The following SLC24A2 variants were observed in gnomAD, a reference collection of about 807,000 sequenced individuals.
The protein encoded by SLC24A2 is solute carrier family 24 member 2, also known as sodium/potassium/calcium exchanger 2.
A neutral mutation model predicts 62.0 loss-of-function variants in SLC24A2; 36 were observed. The observed-to-expected ratio is 0.58, with a 90% confidence interval of 0.44 to 0.77. SLC24A2 has a LOEUF of 0.77. Among genes scored for constraint, SLC24A2 ranks in the 30% least tolerant of loss-of-function variants. The pLI is 0.00. For missense variants in SLC24A2, 846 were observed against 817.9 expected (o/e 1.03, Z -0.42); for synonymous variants, 358 against 294.0 (o/e 1.22, Z -2.23).
the SLC24A2 span, among the ~76,000 whole-genome samples, chr9:19,936,772 G>A: frequency 6.6e-6 from 1 of 152,158 alleles, no homozygotes; most frequent in African/African-American, 2.4e-5. Context: ...TTCATATTAA[G>A]GTGTCTAGAG....
At chr9:20,078,911 T>C in the SLC24A2 span, among the ~76,000 whole-genome samples, 2 of 152,240 alleles carry the variant, frequency 1.3e-5, no homozygotes, top group Non-Finnish European at 2.9e-5. Flanking sequence ...TTATACTTCC[T>C]GGAATATTCA....
the SLC24A2 span, among the ~76,000 whole-genome samples, chr9:20,139,002 T>C: frequency 6.6e-6 from 1 of 152,124 alleles, no homozygotes; most frequent in Non-Finnish European, 1.5e-5. Context: ...CCCCCACTCC[T>C]CCCCGCCTCA....
the SLC24A2 span, among the ~76,000 whole-genome samples, chr9:20,213,953 C>T: frequency 2.2e-4 from 34 of 152,306 alleles, no homozygotes; most frequent in African/African-American, 7.2e-4. Context: ...TAAGCGGCAT[C>T]ATGCAGTATT....
At chr9:19,792,491 G>A (rs1243940939), upstream of SLC24A2, among the ~76,000 whole-genome samples, 2 of 130,620 alleles carry the variant, frequency 1.5e-5, no homozygotes, top group East Asian at 2.3e-4. Flanking sequence ...AGGAGTTTGA[G>A]ACCAACCTGG....
the SLC24A2 span, among the ~76,000 whole-genome samples, chr9:20,055,613 C>A: frequency 6.6e-6 from 1 of 151,892 alleles, no homozygotes; most frequent in African/African-American, 2.4e-5. Context: ...CCAGGCCAGG[C>A]GCGGTGGTTC....
rs1402972431 is a variant in SLC24A2 at position 19,786,228 on chromosome 9, T to C, written c.639A>G (p.Val213=). 1.2e-6 allele frequency: 2 copies of C among 1,614,134 alleles called. No individual in the cohort carries two copies. The highest frequency in any genetic ancestry group is 1.7e-5 in the Admixed American group (1 of 60,032). ...TGCCAATAACAAAGAGGATGTTGAA[T>C]ACTGCTGAACCTACAATTGTGCCTA... ...VGIGTIVGSA[V]FNILFVIGMC... is the part of the protein sequence containing the mutation. The change falls in exon 2 of 11, where the codon GTA becomes GTG. Residue 213 remains valine, a synonymous_variant. Coordinates refer to ENST00000341998, the MANE Select transcript of SLC24A2 (RefSeq NM_020344.4). This position sits in a 1 kb window ranked among gnomAD's most constrained non-coding sequence, Gnocchi z 5.0.
chr9:19,883,588 T>C, the SLC24A2 span, among the ~76,000 whole-genome samples: 2 of 148,326 alleles, frequency 1.3e-5, no homozygotes, highest in South Asian at 2.1e-4. Flanking sequence ...TTTTTTGAGA[T>C]GGAGTCTTGC....
the SLC24A2 span, among the ~76,000 whole-genome samples, chr9:20,081,117 C>G: frequency 1.2e-4 from 18 of 152,186 alleles, no homozygotes; most frequent in South Asian, 6.2e-4. Flanking sequence ...ACCCAGCCAT[C>G]CCATTACTGG....
At chr9:19,843,914 C>T in the SLC24A2 span, among the ~76,000 whole-genome samples, 1 of 152,256 alleles carries the variant, frequency 6.6e-6, no homozygotes, top group Non-Finnish European at 1.5e-5. Context: ...TTTTCTTTGT[C>T]CAGTCCACTG....
chr9:19,682,896 C>A (rs1819763406), intron 2 of SLC24A2, among the ~76,000 whole-genome samples: 1 of 152,026 alleles, frequency 6.6e-6, no homozygotes, highest in African/African-American at 2.4e-5. Context: ...CTTTTTACTT[C>A]ATGTATTGAT....
At chr9:19,518,303 G>A (rs1305729543) in intron 10 of SLC24A2, among the ~76,000 whole-genome samples, 2 of 152,044 alleles carry the variant, frequency 1.3e-5, no homozygotes, top group Non-Finnish European at 2.9e-5. Context: ...GATGAAAGAT[G>A]CATACATACA....
At chr9:19,884,743 A>G in the SLC24A2 span, among the ~76,000 whole-genome samples, 1 of 152,194 alleles carries the variant, frequency 6.6e-6, no homozygotes, top group Non-Finnish European at 1.5e-5. Context: ...TACAGTATTC[A>G]ATAAATTACA....
the SLC24A2 span, among the ~76,000 whole-genome samples, chr9:20,066,013 T>G: frequency 6.6e-6 from 1 of 152,122 alleles, no homozygotes. Flanking sequence ...AGGATATTAT[T>G]AACAAATGGC....
chr9:19,572,543 T>C (rs1273873000), intron 7 of SLC24A2, among the ~76,000 whole-genome samples: 1 of 152,164 alleles, frequency 6.6e-6, no homozygotes, highest in Non-Finnish European at 1.5e-5. Context: ...TCTTTCCTGC[T>C]CTGCCATGGT....
chr9:19,525,872 T>G (rs903507197), intron 9 of SLC24A2, among the ~76,000 whole-genome samples: 4 of 151,792 alleles, frequency 2.6e-5, no homozygotes, highest in Non-Finnish European at 4.4e-5. Flanking sequence ...ACCATAAAAT[T>G]TAGCCATTTT....
chr9:20,197,967 G>A, the SLC24A2 span, among the ~76,000 whole-genome samples: 1 of 152,146 alleles, frequency 6.6e-6, no homozygotes, highest in African/African-American at 2.4e-5. Flanking sequence ...AAGACGAGAG[G>A]GCTATCTCCC....
In SLC24A2 at chr9:19,788,960, C is replaced by T. The variant is rs1030389657; in HGVS notation, c.-229G>A. 1.0e-6 allele frequency: 1 copy of T among 985,080 alleles called. No homozygotes were observed. The allele number at this position is 985,080 out of a possible 1,614,324, so 61.0% of individuals were successfully genotyped here. A position where few individuals can be genotyped will look rare whatever the true frequency, so the allele number is the denominator to read the frequency against. ...GCCGCTCCAGTCCGCCGGCCCTCCG[C>T]CTACCCGCTCTGAGGCCCGGGCTCT... is the stretch of plus-strand genomic sequence containing the variant. On this transcript the variant is annotated 5_prime_UTR_variant, in exon 1 of 11. Coordinates refer to ENST00000341998, the MANE Select transcript of SLC24A2 (RefSeq NM_020344.4).
the SLC24A2 span, among the ~76,000 whole-genome samples, chr9:19,871,043 C>T: frequency 6.6e-6 from 1 of 151,706 alleles, no homozygotes; most frequent in Admixed American, 6.6e-5. Flanking sequence ...TGTGCTTTTG[C>T]TGTCATATCT....
chr9:19,952,670 T>C, the SLC24A2 span, among the ~76,000 whole-genome samples: 1 of 151,692 alleles, frequency 6.6e-6, no homozygotes, highest in Non-Finnish European at 1.5e-5. Flanking sequence ...TTTTTTTTTT[T>C]TTTTTGCCAG....
Sources: gnomAD v4.1 joint callset for allele counts (sites outside exome capture counted in the v4.1 genomes callset) on GRCh38, gnomAD v4.1.1 for gene constraint, Gnocchi (gnomAD v3.1) non-coding constraint, MANE v1.5 for transcripts, NCBI Gene and HGNC (gene_info 2026-07-23, HGNC 2026-07-21) for gene names.